Variants in GRID1 observed in about 807,000 individuals in gnomAD.
GRID1 encodes the protein glutamate receptor ionotropic, delta-1.
A neutral mutation model predicts 98.0 loss-of-function variants in GRID1; 28 were observed. The observed-to-expected ratio is 0.29, with a 90% CI of 0.21 to 0.39. The LOEUF is 0.39. Among genes scored for constraint, GRID1 ranks in the 10% least tolerant of loss-of-function variants. The pLI is 1.00. For missense variants in GRID1, 1,111 were observed against 1,340.5 expected (o/e 0.83, Z 2.67); for synonymous variants, 553 against 538.5 (o/e 1.03, Z -0.37).
At chr10:86,048,200 T>G (rs937643749) in intron 4 of GRID1, among the ~76,000 whole-genome samples, 3 of 152,200 alleles carry the variant, frequency 2.0e-5, no homozygotes, top group Non-Finnish European at 1.5e-5. Flanking sequence ...ATTTATTTCA[T>G]TTCAAGTTCA....
At chr10:85,835,381 G>C (rs925913178) in intron 8 of GRID1, among the ~76,000 whole-genome samples, 4 of 152,108 alleles carry the variant, frequency 2.6e-5, no homozygotes, top group African/African-American at 9.7e-5. Context: ...CCAAGGGTGG[G>C]GCCAGGTGAA....
chr10:85,694,131 T>G (rs541771417), intron 12 of GRID1, among the ~76,000 whole-genome samples: 1 of 152,234 alleles, frequency 6.6e-6, no homozygotes, highest in African/African-American at 2.4e-5. Context: ...GAACAAACAC[T>G]TTTCAAAAGG....
intron 8 of GRID1, among the ~76,000 whole-genome samples, chr10:85,841,363 C>T (rs1177278352): frequency 6.6e-6 from 1 of 152,084 alleles, no homozygotes; most frequent in Non-Finnish European, 1.5e-5. Flanking sequence ...ATATGTAAAG[C>T]CCCAAACTAC....
intron 14 of GRID1, among the ~76,000 whole-genome samples, chr10:85,616,896 CTAT>C (rs1842795967): frequency 6.6e-6 from 1 of 152,158 alleles, no homozygotes; most frequent in Non-Finnish European, 1.5e-5. Flanking sequence ...CAATAAATGG[CTAT>C]TAAGTTGCTA....
At chr10:85,710,246 A>C (rs1841567506) in intron 12 of GRID1, among the ~76,000 whole-genome samples, 1 of 152,204 alleles carries the variant, frequency 6.6e-6, no homozygotes, top group Non-Finnish European at 1.5e-5. Context: ...ATAATAAAAA[A>C]CAATGTAGTA....
chr10:85,786,851 A>G (rs1196949262), intron 8 of GRID1, among the ~76,000 whole-genome samples: 1 of 152,134 alleles, frequency 6.6e-6, no homozygotes, highest in Non-Finnish European at 1.5e-5. Flanking sequence ...CCCAGGCTGC[A>G]AAGGGCAGGG....
intron 4 of GRID1, among the ~76,000 whole-genome samples, chr10:86,052,938 T>G (rs1219666188): frequency 6.6e-6 from 1 of 152,196 alleles, no homozygotes; most frequent in African/African-American, 2.4e-5. Flanking sequence ...GAAATCTTTT[T>G]AAAGAAAATC....
At chr10:86,312,707 T>A (rs1027211449) in intron 2 of GRID1, among the ~76,000 whole-genome samples, 60 of 152,350 alleles carry the variant, frequency 3.9e-4, no homozygotes, top group African/African-American at 1.3e-3. Context: ...GAGCCTTTTA[T>A]AAACTATTAG....
intron 4 of GRID1, among the ~76,000 whole-genome samples, chr10:85,961,018 G>A (rs945903200): frequency 6.6e-6 from 1 of 152,034 alleles, no homozygotes; most frequent in Non-Finnish European, 1.5e-5. Context: ...TCTCTGTGGT[G>A]TCTAGGCCTG....
intron 12 of GRID1, among the ~76,000 whole-genome samples, chr10:85,660,763 C>T (rs1181889335): frequency 6.6e-6 from 1 of 152,090 alleles, no homozygotes; most frequent in African/African-American, 2.4e-5. Flanking sequence ...GGACCCTGCC[C>T]AGGGAACATG....
intron 2 of GRID1, among the ~76,000 whole-genome samples, chr10:86,221,898 T>TCTCCTC (rs56750241): frequency 0.68 from 101,974 of 149,906 alleles, 35,046 homozygotes; most frequent in East Asian, 0.87. Context: ...TCCTCCTCCT[T>TCTCCTC]CTCCTCCTCC....
intron 12 of GRID1, among the ~76,000 whole-genome samples, chr10:85,680,769 A>T (rs965565539): frequency 1.3e-5 from 2 of 152,256 alleles, no homozygotes; most frequent in African/African-American, 4.8e-5. Context: ...CAGATAAAGA[A>T]AATGTGGTAC....
intron 4 of GRID1, among the ~76,000 whole-genome samples, chr10:86,084,280 C>A (rs946247701): frequency 2.0e-5 from 3 of 150,492 alleles, no homozygotes; most frequent in East Asian, 1.9e-4. Context: ...AATGAGGAGG[C>A]CTTATACTCA....
intron 3 of GRID1, among the ~76,000 whole-genome samples, chr10:86,144,402 G>A: frequency 6.6e-6 from 1 of 152,154 alleles, no homozygotes; most frequent in East Asian, 1.9e-4. Flanking sequence ...GCTGGACTGT[G>A]GAACTGCCAG....
At chr10:86,158,685 G>A (rs908194019) in intron 3 of GRID1, among the ~76,000 whole-genome samples, 1 of 152,126 alleles carries the variant, frequency 6.6e-6, no homozygotes. Flanking sequence ...TGACCAATGG[G>A]AAGCAAAATA....
intron 4 of GRID1, among the ~76,000 whole-genome samples, chr10:86,058,034 G>A (rs569597498): frequency 6.6e-6 from 1 of 152,244 alleles, no homozygotes; most frequent in South Asian, 2.1e-4. Context: ...GCAGATCTTG[G>A]GATCAAAATT....
At chr10:85,980,092 G>C (rs1842525708) in intron 4 of GRID1, among the ~76,000 whole-genome samples, 1 of 152,202 alleles carries the variant, frequency 6.6e-6, no homozygotes, top group African/African-American at 2.4e-5. Context: ...ATATTGGATT[G>C]GTTCCTGGAA....
chr10:86,114,303 G>C (rs1327734884), intron 4 of GRID1, among the ~76,000 whole-genome samples: 1 of 152,116 alleles, frequency 6.6e-6, no homozygotes, highest in Non-Finnish European at 1.5e-5. Flanking sequence ...TAACCTTGTG[G>C]TCTATGCTTT....
chr10:86,328,530 A>C (rs1848087922), intron 2 of GRID1, among the ~76,000 whole-genome samples: 1 of 152,216 alleles, frequency 6.6e-6, no homozygotes, highest in African/African-American at 2.4e-5. Context: ...GGCAGCATTT[A>C]TCTTGCCAGG....
Sources: allele counts gnomAD v4.1 joint callset (sites outside exome capture counted in the v4.1 genomes callset), GRCh38; gene constraint gnomAD v4.1.1; transcripts MANE v1.5; gene names NCBI Gene and HGNC (gene_info 2026-07-23, HGNC 2026-07-21).